USP31: variants seen among roughly 807,000 people sequenced by gnomAD.
USP31 encodes ubiquitin specific peptidase 31, also known as ubiquitin carboxyl-terminal hydrolase 31.
USP31 carries 44 observed loss-of-function variants against 119.4 expected under a neutral mutation model. That is an observed-to-expected ratio of 0.37 (90% CI 0.29 to 0.47). The LOEUF is 0.47. Among genes scored for constraint, USP31 ranks in the 20% least tolerant of loss-of-function variants. USP31 has a pLI of 0.99. For synonymous variants in USP31, 749 were observed against 705.6 expected, an observed-to-expected ratio of 1.06 and a Z score of -0.97; for missense variants, 1,643 against 1,730.2, an observed-to-expected ratio of 0.95 and a Z score of 0.89.
At chr16:23,145,376 G>C (rs1903475039) in intron 1 of USP31, among the ~76,000 whole-genome samples, 1 of 152,098 alleles carries the variant, frequency 6.6e-6, no homozygotes, top group African/African-American at 2.4e-5. Flanking sequence ...GCTGTCTCAG[G>C]GAACTTCCTA....
rs770328536 is a variant in USP31, at chr16:23,067,933, G to C, written c.*113C>G. 5.6e-6 allele frequency: 7 copies of C among 1,249,432 alleles called. No individual in the cohort carries two copies. The highest frequency in any genetic ancestry group is 7.7e-6 in the Non-Finnish European group (7 of 914,046). 77.4% of individuals were successfully genotyped at this position (1,249,432 alleles called of 1,614,324 possible). A position where few individuals can be genotyped will look rare whatever the true frequency, so the allele number is the denominator to read the frequency against. On this transcript the variant is annotated 3_prime_UTR_variant, in exon 16 of 16. Coordinates refer to ENST00000219689, the MANE Select transcript of USP31 (RefSeq NM_020718.4). ...TACACTCACACACACACACACAGTC[G>C]GGCACGTGACTCAAAAAAGTACAAA...
intron 6 of USP31, among the ~76,000 whole-genome samples, chr16:23,091,750 C>T (rs2141854142): frequency 6.6e-6 from 1 of 152,120 alleles, no homozygotes; most frequent in Non-Finnish European, 1.5e-5. Flanking sequence ...AAAAAAACAA[C>T]ACATACAAAC....
chr16:23,106,095 A>C (rs1902090764), intron 4 of USP31, 118 bp downstream of exon 4: 1 of 1,136,380 alleles, frequency 8.8e-7, no homozygotes, highest in Non-Finnish European at 1.3e-6. Flanking sequence ...GACTGTATTC[A>C]ATCCCATTAT....
intron 13 of USP31, among the ~76,000 whole-genome samples, chr16:23,075,033 C>T (rs986795943): frequency 1.9e-4 from 29 of 152,080 alleles, no homozygotes; most frequent in African/African-American, 7.0e-4. Flanking sequence ...TAACCATTTC[C>T]GCAAGTATGG....
Position 23,068,005 on chromosome 16 carries a change from A to G in USP31, c.*41T>C, listed in dbSNP as rs750371523. On this transcript the variant is annotated 3_prime_UTR_variant, in exon 16 of 16. Transcript: ENST00000219689. ...GTGGGAGGGCAGGGGTTCTAAATAA[A>G]TAAACATCTTTACAGATAAAACACT... 2 of 1,554,520 alleles carry G rather than the reference A, an allele frequency of 1.3e-6. No individual in the cohort carries two copies. Among genetic ancestry groups the G allele is most frequent in the South Asian group, 2.5e-5 (2 of 80,432 alleles).
At chr16:23,076,683 A>C (rs777108116) in intron 13 of USP31, among the ~76,000 whole-genome samples, 3 of 152,256 alleles carry the variant, frequency 2.0e-5, no homozygotes, top group Non-Finnish European at 4.4e-5. Context: ...ACACGATGCT[A>C]AAGTCTAGCC....
Position 23,068,196 on chromosome 16 carries a change from A to G in USP31, c.3909T>C (p.His1303=). The part of the protein sequence containing the change: ...LVTKDPASAK[H]SLLSARKSKS... ...TGGATTTGCGAGCGGACAGCAGGGA[A>G]TGTTTGGCAGAAGCAGGGTCCTTGG... The change falls in exon 16 of 16, where the codon CAT becomes CAC. Residue 1303 remains histidine, a synonymous_variant. Transcript: ENST00000219689. 1 of 1,614,110 alleles carries G rather than the reference A, an allele frequency of 6.2e-7. No individual in the cohort carries two copies.
At chr16:23,075,212 T>C (rs1900515117) in intron 13 of USP31, among the ~76,000 whole-genome samples, 1 of 152,056 alleles carries the variant, frequency 6.6e-6, no homozygotes, top group Admixed American at 6.5e-5. Context: ...CAAATGGAGC[T>C]CTAAGGAAAC....
At chr16:23,143,573 A>C (rs1256443893) in intron 1 of USP31, among the ~76,000 whole-genome samples, 1 of 139,862 alleles carries the variant, frequency 7.1e-6, no homozygotes, top group Non-Finnish European at 1.6e-5. Flanking sequence ...GGAGAAAGAG[A>C]GAGGGAGAGG....
At position 23,072,084 on chromosome 16, in the gene USP31, CAG is replaced by C; in HGVS notation, c.2447_2448del (p.Ser816Ter). 6.2e-7 allele frequency: 1 copy of C among 1,613,796 alleles called. No individual in the cohort carries two copies. Among genetic ancestry groups the C allele is most frequent in the Non-Finnish European group, 8.5e-7 (1 of 1,179,952 alleles). On this transcript the variant is annotated frameshift_variant, in exon 15 of 16. Transcript: ENST00000219689. LOFTEE classifies it high-confidence loss of function. ...CTTTCTCCAGTCATCTCCACGGACTCAGAGAGCGACGCCAGGGAGGTGCGTCT... is the reference window on the plus strand; with the variant it reads ...CTTTCTCCAGTCATCTCCACGGACTCAGAGCGACGCCAGGGAGGTGCGTCT... ...SSRRTSLASLSESVEMTGERS... is the reference protein window; with the variant it reads ...SSRRTSLASLXESVEMTGERS...
At chr16:23,087,306 C>A in intron 8 of USP31, 120 bp from the exon 9 acceptor site, 1 of 772,278 alleles carries the variant, frequency 1.3e-6, no homozygotes, top group East Asian at 2.7e-5. Context: ...AAATGCTTCA[C>A]TATAAGATTC....
chr16:23,096,888 A>C (rs1266014608), intron 6 of USP31, among the ~76,000 whole-genome samples: 1 of 152,246 alleles, frequency 6.6e-6, no homozygotes, highest in African/African-American at 2.4e-5. Context: ...AGGAAAAAGC[A>C]GGAAAGATTT....
intron 15 of USP31, 151 bp downstream of exon 15, chr16:23,071,894 A>G (rs2141829132): frequency 3.6e-6 from 4 of 1,099,140 alleles, no homozygotes; most frequent in South Asian, 3.1e-5. Flanking sequence ...TTTTAGGATC[A>G]TAACTCACAG....
Position 23,062,321 on chromosome 16 carries a change from CA to C in USP31, c.*5724del, listed in dbSNP as rs1325087005. The C allele has an allele frequency of 6.8e-6, 1 of 146,994 alleles. No homozygotes were observed. Among genetic ancestry groups the C allele is most frequent in the Non-Finnish European group, 1.5e-5 (1 of 66,684 alleles). 9.1% of individuals were successfully genotyped at this position (146,994 alleles called of 1,614,324 possible). A position where few individuals can be genotyped will look rare whatever the true frequency, so the allele number is the denominator to read the frequency against. On this transcript the variant is annotated 3_prime_UTR_variant, in exon 16 of 16. Transcript: ENST00000219689. Reference sequence around the variant, plus strand: ...GGATGTGTATTACTTAATGGTAAAACAAACAAAAAACAAAACAAAACAAAAA... The same window carrying C: ...GGATGTGTATTACTTAATGGTAAAACAACAAAAAACAAAACAAAACAAAAA...
chr16:23,130,159 T>G (rs74881200), intron 1 of USP31, among the ~76,000 whole-genome samples: 1 of 152,296 alleles, frequency 6.6e-6, no homozygotes, highest in South Asian at 2.1e-4. Flanking sequence ...TAAGATTTCA[T>G]CATGAGAAAG....
At chr16:23,147,611 G>A (rs1256974643) in intron 1 of USP31, among the ~76,000 whole-genome samples, 3 of 152,122 alleles carry the variant, frequency 2.0e-5, no homozygotes, top group African/African-American at 7.2e-5. Context: ...CCAGCAAACA[G>A]CAAAGGAGGG....
intron 6 of USP31, among the ~76,000 whole-genome samples, chr16:23,096,732 C>A (rs1167589633): frequency 6.6e-6 from 1 of 152,170 alleles, no homozygotes; most frequent in East Asian, 1.9e-4. Flanking sequence ...AGAACCTGCT[C>A]CTGAATGACT....
Position 23,090,679 on chromosome 16 carries a change from C to T in USP31, c.1360G>A (p.Asp454Asn), listed in dbSNP as rs370063502. The change falls in exon 7 of 16, where the codon GAC becomes AAC. Residue 454 changes from aspartate to asparagine, a missense_variant. Transcript: ENST00000219689. Reference sequence around the variant, plus strand: ...TTACACACCAACAGGACAATCTTGTCGCTGCCTGCTCTTGATGTGGGAGAA... The same window carrying T: ...TTACACACCAACAGGACAATCTTGTTGCTGCCTGCTCTTGATGTGGGAGAA... ...MDSPTSRAGSDKIVLLVCNRA... is the reference protein window; with the variant it reads ...MDSPTSRAGSNKIVLLVCNRA... 1.9e-5 allele frequency: 31 copies of T among 1,613,918 alleles called. No homozygotes were observed. Among genetic ancestry groups the T allele is most frequent in the African/African-American group, 1.7e-4 (13 of 74,904 alleles).
rs1900239352 is a variant in USP31 at position 23,069,228 on chromosome 16, G to A, written c.2877C>T (p.Asn959=). ...TGCTCTGTGTATCTACGACACTGGAGTTCAATCTGCGGGTGTCCGATTCGT... is the reference window on the plus strand; with the variant it reads ...TGCTCTGTGTATCTACGACACTGGAATTCAATCTGCGGGTGTCCGATTCGT... ...FKDESDTRRL[N]SSVVDTQSKH... is the part of the protein sequence containing the mutation. Residue 959 remains asparagine, a synonymous_variant, in exon 16 of 16, where the codon AAC becomes AAT. Coordinates refer to ENST00000219689, the MANE Select transcript of USP31 (RefSeq NM_020718.4). The A allele has an allele frequency of 6.2e-7, 1 of 1,614,230 alleles. No homozygotes were observed. The highest frequency in any genetic ancestry group is 8.5e-7 in the Non-Finnish European group (1 of 1,180,046).
Sources: allele counts gnomAD v4.1 joint callset (sites outside exome capture counted in the v4.1 genomes callset), GRCh38; gene constraint gnomAD v4.1.1; transcripts MANE v1.5; gene names NCBI Gene and HGNC (gene_info 2026-07-23, HGNC 2026-07-21).